Variants in CRB1 observed in about 807,000 individuals in gnomAD.
CRB1 encodes the protein protein crumbs homolog 1.
In CRB1, 83 loss-of-function variants were observed where a neutral mutation model predicts 120.0. The ratio of observed to expected loss-of-function variants is 0.69; its 90% confidence interval spans 0.58 to 0.83. CRB1 has a LOEUF of 0.83. Ranked by LOEUF, CRB1 falls within the 40% of genes least tolerant of loss-of-function variation. The pLI is 0.00. For synonymous variants in CRB1, 625 were observed against 612.5 expected (o/e 1.02, Z -0.30); for missense variants, 1,699 against 1,687.6 (o/e 1.01, Z -0.12).
chr1:197,338,700 G>A (rs1659288549), intron 2 of CRB1, among the ~76,000 whole-genome samples: 1 of 151,914 alleles, frequency 6.6e-6, no homozygotes, highest in African/African-American at 2.4e-5. Flanking sequence ...TAGCAGTAAA[G>A]CAAAACTTGT....
intron 11 of CRB1, among the ~76,000 whole-genome samples, chr1:197,452,994 G>C (rs556424984): frequency 3.3e-5 from 5 of 151,926 alleles, no homozygotes; most frequent in African/African-American, 1.2e-4. Flanking sequence ...CATGTTCAGC[G>C]AAGGATAAAT....
At chr1:197,286,661 A>G (rs1204494069) in intron 1 of CRB1, among the ~76,000 whole-genome samples, 1 of 151,920 alleles carries the variant, frequency 6.6e-6, no homozygotes, top group African/African-American at 2.4e-5. Flanking sequence ...TCTTAGAGTT[A>G]AACTTCAGTA....
At chr1:197,230,582 G>T in the CRB1 span, among the ~76,000 whole-genome samples, 1 of 152,084 alleles carries the variant, frequency 6.6e-6, no homozygotes, top group South Asian at 2.1e-4. Context: ...GTTATTGATT[G>T]TATCTAGTTC....
At position 197,435,005 on chromosome 1, in the gene CRB1, AC is replaced by A. The variant is rs1275965097; in HGVS notation, c.3144del (p.Ser1049ProfsTer14). ...TTCCATGACAGACCCACTGTCCCAG[AC>A]CTCCAGGTGGCAAATGGAAGTGGAC... The part of the protein sequence containing the change: ...TLSMTDPLSQ[T>X]SRWQMEVDNE... On this transcript the variant is annotated frameshift_variant, in exon 9 of 12. Transcript: ENST00000367400. LOFTEE classifies it high-confidence loss of function. 1 of 1,613,898 alleles carries A rather than the reference AC, an allele frequency of 6.2e-7. No homozygotes were observed. The highest frequency in any genetic ancestry group is 1.7e-5 in the Admixed American group (1 of 59,944).
At chr1:197,411,423 A>T (rs1663707317) in intron 5 of CRB1, among the ~76,000 whole-genome samples, 1 of 152,242 alleles carries the variant, frequency 6.6e-6, no homozygotes, top group South Asian at 2.1e-4. Flanking sequence ...GTAAATTATT[A>T]TCAATTGAAA....
intron 1 of CRB1, among the ~76,000 whole-genome samples, chr1:197,316,315 G>T (rs1046170295): frequency 2.0e-5 from 3 of 152,090 alleles, no homozygotes; most frequent in Admixed American, 2.0e-4. Context: ...CTCCTAAGTA[G>T]CTGGGACTAC....
At chr1:197,363,446 C>G (rs1301816283) in intron 5 of CRB1, among the ~76,000 whole-genome samples, 2 of 151,992 alleles carry the variant, frequency 1.3e-5, no homozygotes, top group Non-Finnish European at 2.9e-5. Flanking sequence ...CACATTCATT[C>G]CTGATAAGTA....
At chr1:197,316,671 A>G (rs530564579) in intron 1 of CRB1, among the ~76,000 whole-genome samples, 15 of 152,324 alleles carry the variant, frequency 9.8e-5, no homozygotes, top group African/African-American at 3.6e-4. Flanking sequence ...TAGTGCCAAA[A>G]TTTAATGTCA....
intron 11 of CRB1, among the ~76,000 whole-genome samples, chr1:197,477,315 T>C (rs1451225176): frequency 1.3e-5 from 2 of 152,172 alleles, no homozygotes; most frequent in Admixed American, 6.5e-5. Flanking sequence ...TCATGAATAA[T>C]ACGTGGCTAT....
chr1:197,307,520 T>C (rs1657242420), intron 1 of CRB1, among the ~76,000 whole-genome samples: 1 of 152,210 alleles, frequency 6.6e-6, no homozygotes, highest in Admixed American at 6.5e-5. Context: ...ACTTTAAAAT[T>C]AGAGAAAATG....
intron 1 of CRB1, among the ~76,000 whole-genome samples, chr1:197,275,850 C>T (rs1655177876): frequency 6.6e-6 from 1 of 151,892 alleles, no homozygotes; most frequent in Non-Finnish European, 1.5e-5. Context: ...AGTTATTTTA[C>T]TGTGCATGTG....
chr1:197,357,305 T>C (rs376312752), intron 5 of CRB1: 20 of 441,450 alleles, frequency 4.5e-5, no homozygotes, highest in East Asian at 4.5e-4. Context: ...ACACAGAAAA[T>C]GTTGAAATTT....
chr1:197,328,432 C>T lies in CRB1; in HGVS notation c.81C>T (p.Cys27=). The stretch of plus-strand genomic sequence containing the variant: ...TTTATTTCCTTGTAGATTCCTTTTG[C>T]AATAAAAACAACACCAGGTGCCTCT... ...SLLIYIKNSF[C]NKNNTRCLSN... The change falls in exon 2 of 12, where the codon TGC becomes TGT. Residue 27 remains cysteine (C), a synonymous_variant. Coordinates refer to ENST00000367400, the MANE Select transcript of CRB1 (RefSeq NM_201253.3). The T allele has an allele frequency of 6.2e-7, 1 of 1,611,856 alleles. No individual in the cohort carries two copies. The highest frequency in any genetic ancestry group is 1.3e-5 in the African/African-American group (1 of 74,944).
chr1:197,337,664 T>C (rs1324578959), intron 2 of CRB1, among the ~76,000 whole-genome samples: 2 of 152,204 alleles, frequency 1.3e-5, no homozygotes, highest in Admixed American at 6.5e-5. Flanking sequence ...TTTACAGGTA[T>C]CATTTTCTTA....
chr1:197,356,969 A>C lies in CRB1; in HGVS notation c.1127A>C (p.His376Pro). 1 of 1,614,222 alleles carries C rather than the reference A, an allele frequency of 6.2e-7. No homozygotes were observed. Among genetic ancestry groups the C allele is most frequent in the South Asian group, 1.1e-5 (1 of 91,084 alleles). ...GGACTGCCTTCTTCTTTCAGCTACC[A>C]TGAAGCCTCAGGTTATGTCTGTATC... is the stretch of plus-strand genomic sequence containing the variant. ...ITGLPSSFSYHEASGYVCICQ... is the reference protein window; with the variant it reads ...ITGLPSSFSYPEASGYVCICQ... Residue 376 changes from histidine to proline, a missense_variant, in exon 5 of 12, where the codon CAT becomes CCT. His to Pro is a moderately conservative substitution (Grantham distance 77). Transcript: ENST00000367400.
chr1:197,419,390 T>A, intron 5 of CRB1, among the ~76,000 whole-genome samples: 1 of 148,226 alleles, frequency 6.7e-6, no homozygotes. Flanking sequence ...GAGACAAGAG[T>A]CTCGCTTTGT....
At chr1:197,456,555 A>C (rs1666295475) in intron 11 of CRB1, among the ~76,000 whole-genome samples, 1 of 152,148 alleles carries the variant, frequency 6.6e-6, no homozygotes, top group African/African-American at 2.4e-5. Flanking sequence ...TGTTGATGAC[A>C]GTGTCTTGGA....
intron 7 of CRB1, 107 bp from the exon 8 acceptor site, chr1:197,429,342 A>G: frequency 7.0e-7 from 1 of 1,422,098 alleles, no homozygotes; most frequent in Non-Finnish European, 9.9e-7. Flanking sequence ...AAATGTAAAG[A>G]TGCAGGGAAA....
At chr1:197,267,145 A>G (rs934827741), upstream of CRB1, among the ~76,000 whole-genome samples, 1 of 152,186 alleles carries the variant, frequency 6.6e-6, no homozygotes, top group African/African-American at 2.4e-5. Flanking sequence ...CAATTCTCCA[A>G]TTGACAAAAC....
Sources: gnomAD v4.1 joint callset for allele counts (sites outside exome capture counted in the v4.1 genomes callset) on GRCh38, gnomAD v4.1.1 for gene constraint, MANE v1.5 for transcripts, NCBI Gene and HGNC (gene_info 2026-07-23, HGNC 2026-07-21) for gene names.